Variants in BCR observed in about 807,000 individuals in gnomAD.
BCR encodes breakpoint cluster region protein.
In BCR, 58 loss-of-function variants were observed where a neutral mutation model predicts 138.6. The ratio of observed to expected loss-of-function variants is 0.42; its 90% CI spans 0.34 to 0.52. The LOEUF (loss-of-function observed/expected upper bound fraction) is 0.52, where lower values mean the gene tolerates loss of function less well. BCR is among the 20% of genes least tolerant of loss of function. The probability of loss-of-function intolerance (pLI) is 0.06; values close to 1 mark genes in which losing one functional copy is unlikely to be tolerated. For synonymous variants in BCR, 786 were observed against 730.1 expected, an observed-to-expected ratio of 1.08 and a Z score of -1.23; for missense variants, 1,599 against 1,727.2, an observed-to-expected ratio of 0.93 and a Z score of 1.32.
At chr22:23,273,279 G>A (rs2073530754) in intron 7 of BCR, 146 bp downstream of exon 7, 3 of 905,566 alleles carry the variant, frequency 3.3e-6, no homozygotes, top group Non-Finnish European at 5.1e-6. Flanking sequence ...CTGGGGTGGT[G>A]TTGGACATTC....
chr22:23,274,694 G>C (rs1006258414), intron 8 of BCR, among the ~76,000 whole-genome samples: 2 of 152,062 alleles, frequency 1.3e-5, no homozygotes, highest in Admixed American at 1.3e-4. Flanking sequence ...TGGATCAGGA[G>C]GTCAAGAATT....
At chr22:23,263,914 G>A in intron 4 of BCR, 1 of 939,584 alleles carries the variant, frequency 1.1e-6, no homozygotes, top group Non-Finnish European at 1.8e-6. Flanking sequence ...GGGACGGCTT[G>A]TTGTGGGCAC....
chr22:23,196,626 G>A (rs2072486371), intron 1 of BCR, among the ~76,000 whole-genome samples: 1 of 152,164 alleles, frequency 6.6e-6, no homozygotes, highest in African/African-American at 2.4e-5. Flanking sequence ...TCCACAGACT[G>A]GGGGTTAGGG....
chr22:23,200,662 G>A (rs1004637502), intron 1 of BCR, among the ~76,000 whole-genome samples: 1 of 152,240 alleles, frequency 6.6e-6, no homozygotes, highest in African/African-American at 2.4e-5. Context: ...AGGCTCAGGC[G>A]ATTCTCCCAC....
chr22:23,289,689 C>A, intron 13 of BCR, 68 bp downstream of exon 13: 1 of 1,350,606 alleles, frequency 7.4e-7, no homozygotes, highest in Non-Finnish European at 1.1e-6. Context: ...GAAGGCTGAT[C>A]CCCCCTTCCT....
chr22:23,197,695 C>G (rs2072499829), intron 1 of BCR, among the ~76,000 whole-genome samples: 1 of 151,644 alleles, frequency 6.6e-6, no homozygotes, highest in African/African-American at 2.4e-5. Context: ...TAGGGAGCCA[C>G]TGAAGGTTGT....
In BCR at chr22:23,209,081, C is replaced by T. The variant is rs143840079; in HGVS notation, c.1279+26842C>T. Among the ~76,000 whole-genome samples, 14 of 152,208 alleles carry T rather than the reference C, an allele frequency of 9.2e-5. No individual in the cohort carries two copies. In the East Asian group the frequency reaches 2.5e-3, roughly 27 times the overall value. On this transcript the variant is annotated intron_variant, in intron 1 of 22. Transcript: ENST00000305877. ...GCATTAGAATCTCCTTTCTTTTAGC[C>T]GGGCGCGGTGGCTCACGCCTGTAAT...
At chr22:23,267,958 T>C (rs1457432516) in intron 4 of BCR, among the ~76,000 whole-genome samples, 2 of 152,186 alleles carry the variant, frequency 1.3e-5, no homozygotes, top group African/African-American at 2.4e-5. Context: ...GCATTTCTTA[T>C]GTGTCTGAAG....
chr22:23,215,989 G>A (rs1436940302), intron 1 of BCR, among the ~76,000 whole-genome samples: 3 of 152,146 alleles, frequency 2.0e-5, no homozygotes, highest in African/African-American at 7.2e-5. Context: ...AGGAAATCTG[G>A]CTGAGCTGGT....
At chr22:23,280,807 G>A (rs969286825) in intron 8 of BCR, among the ~76,000 whole-genome samples, 2 of 152,208 alleles carry the variant, frequency 1.3e-5, no homozygotes, top group South Asian at 2.1e-4. Context: ...GATGTGGGGG[G>A]GCTCCCCAAA....
chr22:23,233,424 T>C (rs1017350785), intron 1 of BCR, among the ~76,000 whole-genome samples: 2 of 152,142 alleles, frequency 1.3e-5, no homozygotes, highest in Non-Finnish European at 2.9e-5. Context: ...GGCTCCCTTC[T>C]GTGGTGTATG....
chr22:23,228,181 A>C (rs2072915151), intron 1 of BCR, among the ~76,000 whole-genome samples: 1 of 152,196 alleles, frequency 6.6e-6, no homozygotes, highest in African/African-American at 2.4e-5. Flanking sequence ...CTTTTAAAAA[A>C]AATTTTAGAG....
intron 1 of BCR, among the ~76,000 whole-genome samples, chr22:23,219,952 G>A (rs1055676511): frequency 1.6e-4 from 24 of 152,274 alleles, no homozygotes; most frequent in African/African-American, 5.8e-4. Flanking sequence ...TCGCCTCCAA[G>A]TCTGCAGTTC....
chr22:23,308,838 G>A (rs974540087), intron 16 of BCR, among the ~76,000 whole-genome samples: 2 of 152,212 alleles, frequency 1.3e-5, no homozygotes, highest in African/African-American at 4.8e-5. Context: ...GATAGTGCCG[G>A]GTGGGGGTAG....
intron 16 of BCR, among the ~76,000 whole-genome samples, chr22:23,303,309 C>T (rs954173790): frequency 6.6e-6 from 1 of 152,164 alleles, no homozygotes; most frequent in South Asian, 2.1e-4. Flanking sequence ...AAGATCACGT[C>T]ACAGGGGACG....
chr22:23,210,632 G>A (rs541199937), intron 1 of BCR, among the ~76,000 whole-genome samples: 270 of 152,212 alleles, frequency 1.8e-3, no homozygotes, highest in African/African-American at 5.6e-3. Context: ...ATTACCCCTT[G>A]TTCCTTGTAG....
chr22:23,199,184 G>C (rs2072518265), intron 1 of BCR: 2 of 448,822 alleles, frequency 4.5e-6, no homozygotes, highest in African/African-American at 4.1e-5. Context: ...CATAAGTCTG[G>C]TTTCCTCTCT....
In BCR at chr22:23,316,812, A is replaced by T. The variant is rs1436760356; in HGVS notation, c.*1290A>T. 1 of 108,420 alleles carries T rather than the reference A, an allele frequency of 9.2e-6. No individual in the cohort carries two copies. Among genetic ancestry groups the T allele is most frequent in the Non-Finnish European group, 1.9e-5 (1 of 52,530 alleles). 6.7% of individuals were successfully genotyped at this position (108,420 alleles called of 1,614,324 possible). On this transcript the variant is annotated 3_prime_UTR_variant, in exon 23 of 23. Transcript: ENST00000305877. ...GCGGGGGAGCCCAGGCATTCTTTGT[A>T]AACCCTCCTGACCACCTGGCTCAAA...
rs773567953 is a variant in BCR, at chr22:23,273,694, C to T, written c.2035C>T (p.Arg679Cys). ...PDHPLLQDAL[R>C]ISQNFLSSIN... is the part of the protein sequence containing the mutation. The stretch of plus-strand genomic sequence containing the variant: ...CCACCCCTTGCTGCAGGACGCCCTC[C>T]GCATCTCACAGAACTTCCTGTCCAG... The change falls in exon 8 of 23, where the codon CGC becomes TGC. Residue 679 changes from arginine to cysteine, a missense_variant. By Grantham distance (180) the Arg-to-Cys change is radical. Around this residue, in one of 4 missense-constraint regions of BCR, gnomAD observed 590 missense variants for 762.4 expected, o/e 0.77. Coordinates refer to ENST00000305877, the MANE Select transcript of BCR (RefSeq NM_004327.4). 7 of 1,614,020 alleles carry T rather than the reference C, an allele frequency of 4.3e-6. No homozygotes were observed. Among genetic ancestry groups the T allele is most frequent in the Non-Finnish European group, 5.9e-6 (7 of 1,180,048 alleles).
Sources: gnomAD v4.1 joint callset for allele counts (sites outside exome capture counted in the v4.1 genomes callset) on GRCh38, gnomAD v4.1.1 for gene constraint, gnomAD v4.1.1 regional missense constraint, MANE v1.5 for transcripts, NCBI Gene and HGNC (gene_info 2026-07-23, HGNC 2026-07-21) for gene names.